The following DPP6 variants were observed in gnomAD, a reference collection of about 807,000 sequenced individuals.
DPP6 encodes dipeptidyl peptidase like 6.
A neutral mutation model predicts 122.6 loss-of-function variants in DPP6; 69 were observed. The observed-to-expected ratio is 0.56, with a 90% confidence interval of 0.46 to 0.69. The LOEUF (loss-of-function observed/expected upper bound fraction) is 0.69, where lower values mean the gene tolerates loss of function less well. Among genes scored for constraint, DPP6 ranks in the 30% least tolerant of loss-of-function variants. The probability of loss-of-function intolerance (pLI) is 0.00; values close to 1 mark genes in which losing one functional copy is unlikely to be tolerated. For missense variants in DPP6, 928 were observed against 1,116.9 expected (o/e 0.83, Z 2.41); for synonymous variants, 418 against 433.1 (o/e 0.97, Z 0.43).
At chr7:154,530,679 G>A (rs1190319640) in intron 3 of DPP6, among the ~76,000 whole-genome samples, 1 of 152,156 alleles carries the variant, frequency 6.6e-6, no homozygotes, top group African/African-American at 2.4e-5. Context: ...CTAGTATAAA[G>A]ATATGTACAC....
chr7:154,862,718 C>A (rs1454438786), intron 17 of DPP6, among the ~76,000 whole-genome samples: 1 of 152,218 alleles, frequency 6.6e-6, no homozygotes, highest in Admixed American at 6.5e-5. Context: ...CCCCTCAATG[C>A]ACAACTCCTC....
intron 16 of DPP6, among the ~76,000 whole-genome samples, chr7:154,838,210 C>T (rs372485350): frequency 2.0e-5 from 3 of 152,316 alleles, no homozygotes; most frequent in South Asian, 2.1e-4. Context: ...TCCAGCTAGA[C>T]GATGTCAGGA....
chr7:153,859,745 G>T, the DPP6 span, among the ~76,000 whole-genome samples: 1 of 151,998 alleles, frequency 6.6e-6, no homozygotes, highest in Admixed American at 6.5e-5. Flanking sequence ...CTGCATGGCT[G>T]GAGAGGCCTC....
chr7:153,847,769 T>G, the DPP6 span, among the ~76,000 whole-genome samples: 2 of 152,194 alleles, frequency 1.3e-5, no homozygotes. Flanking sequence ...TTTTCATCCA[T>G]CTATCGCCTT....
intron 2 of DPP6, among the ~76,000 whole-genome samples, chr7:154,465,991 T>A (rs1821747426): frequency 6.6e-6 from 1 of 152,154 alleles, no homozygotes; most frequent in Admixed American, 6.5e-5. Flanking sequence ...GATAAAAAAA[T>A]GTGGCACATA....
At chr7:153,966,554 C>CTTTTTTTTTTTTTTTTTTTTTTTTT (rs753840054) in intron 1 of DPP6, among the ~76,000 whole-genome samples, 3 of 41,360 alleles carry the variant, frequency 7.3e-5, no homozygotes, top group African/African-American at 1.3e-4. Flanking sequence ...CCTGTGTTGG[C>CTTTTTTTTTTTTTTTTTTTTTTTTT]TTTTTTTTTT....
At chr7:154,064,545 C>T (rs554686191) in intron 1 of DPP6, among the ~76,000 whole-genome samples, 28 of 152,280 alleles carry the variant, frequency 1.8e-4, no homozygotes, top group Admixed American at 1.4e-3. Flanking sequence ...ACCTATTGTT[C>T]TTTAGAACTG....
intron 2 of DPP6, among the ~76,000 whole-genome samples, chr7:154,465,756 G>T (rs1345004468): frequency 2.0e-5 from 3 of 152,214 alleles, no homozygotes; most frequent in Non-Finnish European, 2.9e-5. Context: ...TGCACTGTTG[G>T]TGGGAATGTA....
At chr7:154,120,947 C>T (rs570316037) in intron 1 of DPP6, among the ~76,000 whole-genome samples, 4 of 152,246 alleles carry the variant, frequency 2.6e-5, no homozygotes, top group Non-Finnish European at 4.4e-5. Context: ...AGGTCAAGGG[C>T]GGGACCAGGT....
chr7:154,559,223 TA>T (rs200800963), intron 4 of DPP6, among the ~76,000 whole-genome samples: 19,979 of 102,092 alleles, frequency 0.2, 1,842 homozygotes, highest in East Asian at 0.57. Context: ...TTCCAGAGAT[TA>T]AAAAAAAAAA....
chr7:154,509,856 C>T (rs950465428), intron 3 of DPP6, among the ~76,000 whole-genome samples: 1 of 151,902 alleles, frequency 6.6e-6, no homozygotes, highest in Non-Finnish European at 1.5e-5. Flanking sequence ...TACATGATTC[C>T]TTTTATATGA....
At chr7:154,458,056 G>A (rs1267900651) in intron 2 of DPP6, among the ~76,000 whole-genome samples, 6 of 152,170 alleles carry the variant, frequency 3.9e-5, no homozygotes, top group Non-Finnish European at 8.8e-5. Context: ...AGGTGGAGAT[G>A]GGAGGGATGT....
At chr7:154,225,276 G>A (rs1232849313) in intron 1 of DPP6, among the ~76,000 whole-genome samples, 1 of 152,064 alleles carries the variant, frequency 6.6e-6, no homozygotes, top group East Asian at 1.9e-4. Context: ...CAGAAAATAT[G>A]CACTTTTCTT....
rs1017016234 is a variant in DPP6, at chr7:154,482,571, A to G, written c.457+7534A>G. ...ATTAAATTTTCATAGCTCTCCTTCC[A>G]GATAATAACATATATTGAATAATAC... is the stretch of plus-strand genomic sequence containing the variant. On this transcript the variant is annotated intron_variant, in intron 3 of 25. Coordinates refer to ENST00000377770, the MANE Select transcript of DPP6 (RefSeq NM_130797.4). Among the ~76,000 whole-genome samples the G allele has an allele frequency of 5.9e-5, 9 of 152,230 alleles. No homozygotes were observed. In the East Asian group the frequency reaches 1.7e-3, roughly 29 times the overall value.
intron 1 of DPP6, among the ~76,000 whole-genome samples, chr7:154,024,052 A>G (rs991426861): frequency 6.6e-6 from 1 of 152,180 alleles, no homozygotes; most frequent in African/African-American, 2.4e-5. Context: ...CATCCACTCA[A>G]TCTGCCAGGA....
At chr7:153,772,944 A>ATAT in the DPP6 span, among the ~76,000 whole-genome samples, 23 of 133,434 alleles carry the variant, frequency 1.7e-4, no homozygotes, top group East Asian at 4.2e-4. Context: ...AGACTTTTAT[A>ATAT]TATTATATAA....
the DPP6 span, among the ~76,000 whole-genome samples, chr7:153,813,941 G>A: frequency 1.3e-5 from 2 of 152,100 alleles, no homozygotes; most frequent in East Asian, 3.9e-4. Context: ...CAGATGAGTA[G>A]GTTGAGAAAA....
chr7:154,477,689 C>A (rs184795632), intron 3 of DPP6, among the ~76,000 whole-genome samples: 13 of 152,146 alleles, frequency 8.5e-5, no homozygotes, highest in Admixed American at 5.9e-4. Context: ...GGAGACCAGC[C>A]GGATTTTCTT....
intron 1 of DPP6, among the ~76,000 whole-genome samples, chr7:154,410,130 G>A (rs1040822586): frequency 2.0e-5 from 3 of 152,174 alleles, no homozygotes; most frequent in African/African-American, 7.2e-5. Context: ...ATTTCTTGAA[G>A]AGGACAAGTG....
Sources: allele counts gnomAD v4.1 joint callset (sites outside exome capture counted in the v4.1 genomes callset), GRCh38; gene constraint gnomAD v4.1.1; transcripts MANE v1.5; gene names NCBI Gene and HGNC (gene_info 2026-07-23, HGNC 2026-07-21).